DPP10: variants seen among roughly 807,000 people sequenced by gnomAD.
DPP10 encodes inactive dipeptidyl peptidase 10.
A neutral mutation model predicts 120.9 loss-of-function variants in DPP10; 33 were observed. The observed-to-expected ratio is 0.27, with a 90% CI of 0.21 to 0.37. The LOEUF (loss-of-function observed/expected upper bound fraction) is 0.37, where lower values mean the gene tolerates loss of function less well. Among genes scored for constraint, DPP10 ranks in the 10% least tolerant of loss-of-function variants. The pLI, the probability that DPP10 is intolerant of heterozygous loss-of-function variation, is 1.00. For synonymous variants in DPP10, 337 were observed against 326.1 expected, an observed-to-expected ratio of 1.03 and a Z score of -0.36; for missense variants, 816 against 942.8, an observed-to-expected ratio of 0.87 and a Z score of 1.76.
intron 10 of DPP10, among the ~76,000 whole-genome samples, chr2:115,746,748 G>A (rs1053689326): frequency 1.3e-5 from 2 of 152,042 alleles, no homozygotes; most frequent in African/African-American, 4.8e-5. Flanking sequence ...CTTCAGTAGT[G>A]AACAACTAAT....
chr2:115,756,346 A>G (rs1679404081), intron 11 of DPP10, among the ~76,000 whole-genome samples: 1 of 152,148 alleles, frequency 6.6e-6, no homozygotes, highest in African/African-American at 2.4e-5. Context: ...TGTTTAAAGC[A>G]CATAAAAAAT....
At chr2:115,251,474 T>C (rs1471093936) in intron 1 of DPP10, among the ~76,000 whole-genome samples, 1 of 152,108 alleles carries the variant, frequency 6.6e-6, no homozygotes, top group Non-Finnish European at 1.5e-5. Context: ...TTAGAAAGCT[T>C]TTACTGCGAC....
intron 1 of DPP10, among the ~76,000 whole-genome samples, chr2:115,116,752 C>T (rs537887956): frequency 6.6e-6 from 1 of 152,140 alleles, no homozygotes; most frequent in African/African-American, 2.4e-5. Context: ...AACTATTGAT[C>T]TTATTGGTAT....
chr2:114,962,850 T>G (rs896621309), intron 1 of DPP10, among the ~76,000 whole-genome samples: 1 of 152,208 alleles, frequency 6.6e-6, no homozygotes, highest in African/African-American at 2.4e-5. Flanking sequence ...CTCATCTGAA[T>G]CCTTCTGACA....
chr2:114,652,825 G>C (rs1033655136), intron 1 of DPP10, among the ~76,000 whole-genome samples: 6 of 152,076 alleles, frequency 3.9e-5, no homozygotes, highest in Non-Finnish European at 7.4e-5. Context: ...GTTGGGGAGA[G>C]AGCATTATAG....
intron 1 of DPP10, among the ~76,000 whole-genome samples, chr2:115,084,726 G>A (rs181123241): frequency 1.5e-3 from 227 of 152,270 alleles, no homozygotes; most frequent in African/African-American, 5.1e-3. Context: ...TCCTCCGAGA[G>A]CTCAGGCTCT....
chr2:114,923,858 T>G (rs1695400301), intron 1 of DPP10, among the ~76,000 whole-genome samples: 1 of 152,072 alleles, frequency 6.6e-6, no homozygotes, highest in Admixed American at 6.5e-5. Flanking sequence ...TCCCTCATGT[T>G]TTTGGTGTCA....
At chr2:114,930,819 A>G (rs1696013727) in intron 1 of DPP10, among the ~76,000 whole-genome samples, 1 of 152,190 alleles carries the variant, frequency 6.6e-6, no homozygotes, top group African/African-American at 2.4e-5. Context: ...TGAGAGAGGA[A>G]GAATAAAAGC....
chr2:114,505,706 G>A (rs554289528), intron 1 of DPP10, among the ~76,000 whole-genome samples: 3 of 152,202 alleles, frequency 2.0e-5, no homozygotes, highest in Admixed American at 6.5e-5. Flanking sequence ...AAGTCACTCC[G>A]CTGGGACACA....
At chr2:115,766,310 G>GTGTGTGTT (rs1371625141) in intron 12 of DPP10, among the ~76,000 whole-genome samples, 2 of 81,746 alleles carry the variant, frequency 2.4e-5, no homozygotes, top group South Asian at 4.9e-4. Flanking sequence ...GTGTGTGTGT[G>GTGTGTGTT]TATATATATA....
At chr2:114,597,738 C>T (rs1230586452) in intron 1 of DPP10, among the ~76,000 whole-genome samples, 1 of 151,910 alleles carries the variant, frequency 6.6e-6, no homozygotes, top group Non-Finnish European at 1.5e-5. Context: ...CTCAAAGATA[C>T]CAGATGGTAT....
At chr2:115,559,660 A>G (rs1307424234) in intron 5 of DPP10, among the ~76,000 whole-genome samples, 2 of 152,112 alleles carry the variant, frequency 1.3e-5, no homozygotes, top group Non-Finnish European at 2.9e-5. Flanking sequence ...TTTTGTTTTC[A>G]TAACTGTGTG....
At chr2:114,489,904 C>T (rs1681840839) in intron 1 of DPP10, among the ~76,000 whole-genome samples, 1 of 152,214 alleles carries the variant, frequency 6.6e-6, no homozygotes, top group African/African-American at 2.4e-5. Context: ...GTTCTCTCAA[C>T]TGTGAACTGG....
intron 1 of DPP10, among the ~76,000 whole-genome samples, chr2:115,190,661 C>G (rs1429005005): frequency 6.6e-6 from 1 of 152,178 alleles, no homozygotes; most frequent in African/African-American, 2.4e-5. Flanking sequence ...CCTCAGGGAA[C>G]AGCAGTGAAA....
chr2:115,027,741 T>C (rs1411319675), intron 1 of DPP10, among the ~76,000 whole-genome samples: 1 of 152,152 alleles, frequency 6.6e-6, no homozygotes, highest in African/African-American at 2.4e-5. Context: ...CATCAGGTCC[T>C]AGGCTCTTCT....
intron 1 of DPP10, among the ~76,000 whole-genome samples, chr2:115,172,340 C>T (rs1009846660): frequency 1.3e-5 from 2 of 150,666 alleles, no homozygotes; most frequent in Non-Finnish European, 2.9e-5. Flanking sequence ...GCCCAGATCG[C>T]GCCACTGCAC....
chr2:114,819,097 A>T (rs1345400792), intron 1 of DPP10, among the ~76,000 whole-genome samples: 1 of 152,122 alleles, frequency 6.6e-6, no homozygotes, highest in Non-Finnish European at 1.5e-5. Context: ...CGATTACAAG[A>T]ACACAACTTT....
At chr2:115,678,727 T>A (rs1276850956) in intron 5 of DPP10, among the ~76,000 whole-genome samples, 2 of 152,188 alleles carry the variant, frequency 1.3e-5, no homozygotes, top group East Asian at 3.9e-4. Flanking sequence ...GCTTGCACCG[T>A]GCACCTGGAA....
chr2:115,335,564 A>T (rs939973527), intron 2 of DPP10, among the ~76,000 whole-genome samples: 1 of 152,068 alleles, frequency 6.6e-6, no homozygotes, highest in Admixed American at 6.6e-5. Flanking sequence ...AATAGAATTT[A>T]TATTTCATAT....
Sources: allele counts gnomAD v4.1 joint callset (sites outside exome capture counted in the v4.1 genomes callset), GRCh38; gene constraint gnomAD v4.1.1; transcripts MANE v1.5; gene names NCBI Gene and HGNC (gene_info 2026-07-23, HGNC 2026-07-21).